The following SERINC5 variants were observed in gnomAD, a reference collection of about 807,000 sequenced individuals.
The protein encoded by SERINC5 is serine incorporator 5, also known as chromosome 5 open reading frame 12.
SERINC5 carries 41 observed loss-of-function variants against 63.1 expected under a neutral mutation model. The ratio of observed to expected loss-of-function variants is 0.65; its 90% CI spans 0.51 to 0.84. The LOEUF is 0.84. Ranked by LOEUF, SERINC5 falls within the 40% of genes least tolerant of loss-of-function variation. SERINC5 has a pLI of 0.00. For missense variants in SERINC5, 523 were observed against 573.0 expected (o/e 0.91, Z 0.89); for synonymous variants, 222 against 215.2 (o/e 1.03, Z -0.28).
At chr5:80,184,000 C>T (rs903507584) in intron 2 of SERINC5, among the ~76,000 whole-genome samples, 3 of 152,114 alleles carry the variant, frequency 2.0e-5, no homozygotes, top group Non-Finnish European at 4.4e-5. Flanking sequence ...GATGAAACAG[C>T]ATGGTTAAAA....
chr5:80,164,910 G>GGTT (rs1747174104), intron 7 of SERINC5, among the ~76,000 whole-genome samples: 2 of 85,192 alleles, frequency 2.3e-5, no homozygotes, highest in African/African-American at 4.9e-5. Context: ...CTTTTTTTCT[G>GGTT]TTTTTTTTTT....
intron 11 of SERINC5, among the ~76,000 whole-genome samples, chr5:80,117,642 G>GGA (rs1554056975): frequency 8.0e-6 from 1 of 124,560 alleles, no homozygotes. Flanking sequence ...TGTGGCTACT[G>GGA]AAAAAAAAAA....
At chr5:80,206,782 C>G (rs1360021309) in intron 1 of SERINC5, among the ~76,000 whole-genome samples, 1 of 150,102 alleles carries the variant, frequency 6.7e-6, no homozygotes, top group African/African-American at 2.4e-5. Flanking sequence ...CCTCCTGAAC[C>G]CTTTCCTAAC....
At chr5:80,229,050 T>G (rs549903240) in intron 1 of SERINC5, among the ~76,000 whole-genome samples, 10,849 of 93,988 alleles carry the variant, frequency 0.12, 1,535 homozygotes, top group Non-Finnish European at 0.17. Context: ...TTTTTTTTTT[T>G]GGGGATGGAG....
chr5:80,241,101 C>T (rs894109796), intron 1 of SERINC5, among the ~76,000 whole-genome samples: 5 of 152,180 alleles, frequency 3.3e-5, no homozygotes, highest in African/African-American at 1.2e-4. Context: ...TGGTTTCCAT[C>T]ACTAATGATA....
chr5:80,191,688 A>G (rs1749201332), intron 2 of SERINC5, among the ~76,000 whole-genome samples: 1 of 150,592 alleles, frequency 6.6e-6, no homozygotes, highest in Admixed American at 6.6e-5. Flanking sequence ...AAAGAAAAAA[A>G]AAAAGACTTT....
intron 9 of SERINC5, among the ~76,000 whole-genome samples, chr5:80,149,237 T>C (rs1451102028): frequency 6.6e-6 from 1 of 152,184 alleles, no homozygotes; most frequent in African/African-American, 2.4e-5. Context: ...ACCATAACCA[T>C]GCAACCTCAG....
chr5:80,198,492 C>G (rs1451764387), intron 2 of SERINC5: 2 of 983,610 alleles, frequency 2.0e-6, no homozygotes, highest in Non-Finnish European at 2.4e-6. Context: ...GCTCCTAACC[C>G]ACATACCAAA....
At chr5:80,161,335 T>G (rs997130033) in intron 7 of SERINC5, among the ~76,000 whole-genome samples, 8 of 152,178 alleles carry the variant, frequency 5.3e-5, no homozygotes, top group African/African-American at 1.9e-4. Context: ...GTGTTTCCGT[T>G]TCTCCACATC....
chr5:80,183,524 C>A lies in SERINC5; in HGVS notation c.196-5460G>T, dbSNP rs184270540. 1.5e-3 allele frequency among the ~76,000 whole-genome samples: 228 copies of A among 152,262 alleles called. 6 individuals are homozygous for A. The South Asian group carries it at 0.046, about 31-fold the overall frequency. Reference sequence around the variant, plus strand: ...GTATCCCCTGTGACTTGCACGTATACGCCCAGATGGCCTGAAGTAACTGAA... The same window carrying A: ...GTATCCCCTGTGACTTGCACGTATAAGCCCAGATGGCCTGAAGTAACTGAA... On this transcript the variant is annotated intron_variant, in intron 2 of 11. Coordinates refer to ENST00000507668, the MANE Select transcript of SERINC5 (RefSeq NM_001174072.3).
At chr5:80,178,568 TGG>T (rs1350551100) in intron 2 of SERINC5, among the ~76,000 whole-genome samples, 1 of 113,804 alleles carries the variant, frequency 8.8e-6, no homozygotes, top group African/African-American at 3.5e-5. Context: ...TTTGTAGAGA[TGG>T]GGTTTTGTCA....
intron 2 of SERINC5, chr5:80,198,468 G>A (rs1749637236): frequency 3.2e-6 from 3 of 940,026 alleles, no homozygotes; most frequent in Non-Finnish European, 3.8e-6. Flanking sequence ...AACTGACAAG[G>A]GAGCTGCCCT....
rs1170824266 is a variant in SERINC5 at position 80,140,011 on chromosome 5, A to C, written c.*3652T>G. 1.0e-6 allele frequency: 1 copy of C among 985,288 alleles called. No individual in the cohort carries two copies. The highest frequency in any genetic ancestry group is 1.2e-6 in the Non-Finnish European group (1 of 829,936). The allele number at this position is 985,288 out of a possible 1,614,324, so 61.0% of individuals were successfully genotyped here. A position where few individuals can be genotyped will look rare whatever the true frequency, so the allele number is the denominator to read the frequency against. ...AGGTGAAGCACCAATGATGGCAAAA[A>C]TTAAATAAATACATCATCTTAAAAA... On this transcript the variant is annotated 3_prime_UTR_variant, in exon 12 of 12. Coordinates refer to ENST00000507668, the MANE Select transcript of SERINC5 (RefSeq NM_001174072.3).
rs1056577607 is a variant in SERINC5, at chr5:80,140,054, G to A, written c.*3609C>T. ...CTTAAAAAGGCAGAGGGTAGGCTGC[G>A]TGCAGTGGTTTACGCCTATAATCCC... is the stretch of plus-strand genomic sequence containing the variant. On this transcript the variant is annotated 3_prime_UTR_variant, in exon 12 of 12. Coordinates refer to ENST00000507668, the MANE Select transcript of SERINC5 (RefSeq NM_001174072.3). 3.6e-5 allele frequency: 35 copies of A among 984,914 alleles called. No homozygotes were observed. Among genetic ancestry groups the A allele is most frequent in the East Asian group, 1.1e-4 (1 of 8,822 alleles). 61.0% of individuals were successfully genotyped at this position (984,914 alleles called of 1,614,324 possible).
At chr5:80,246,307 T>C (rs1752167414) in intron 1 of SERINC5, among the ~76,000 whole-genome samples, 5 of 152,078 alleles carry the variant, frequency 3.3e-5, no homozygotes, top group Admixed American at 3.3e-4. Flanking sequence ...AACAAAAAAA[T>C]GGAAAAGGCA....
intron 1 of SERINC5, among the ~76,000 whole-genome samples, chr5:80,230,053 AC>A (rs1329957088): frequency 2.0e-5 from 3 of 152,154 alleles, no homozygotes; most frequent in Admixed American, 1.3e-4. Flanking sequence ...CTCTCCTCCC[AC>A]TGCTCAGGAA....
intron 7 of SERINC5, among the ~76,000 whole-genome samples, chr5:80,161,597 G>C (rs1580087931): frequency 6.6e-6 from 1 of 152,012 alleles, no homozygotes; most frequent in East Asian, 1.9e-4. Context: ...TGTAAATTCT[G>C]CATATTGCTC....
chr5:80,158,856 G>A lies in SERINC5; in HGVS notation c.966C>T (p.Ile322=), dbSNP rs551207609. Residue 322 remains isoleucine, a synonymous_variant, in exon 8 of 12, where the codon ATC becomes ATT. Transcript: ENST00000507668. ...CTTACCATGAATACAAGATACATCC[G>A]ATTAAGAGGCTGGTCCCCAGTATAG... ...LVTILGTSLL[I]GCILYSCLTS... The A allele has an allele frequency of 8.7e-6, 14 of 1,613,488 alleles. No homozygotes were observed. The highest frequency in any genetic ancestry group is 5.0e-5 in the Admixed American group (3 of 60,014).
intron 11 of SERINC5, among the ~76,000 whole-genome samples, chr5:80,117,478 G>C (rs1227462941): frequency 6.6e-6 from 1 of 151,968 alleles, no homozygotes; most frequent in East Asian, 1.9e-4. Flanking sequence ...CATACTAACT[G>C]ATAATCACAC....
Sources: allele counts gnomAD v4.1 joint callset (sites outside exome capture counted in the v4.1 genomes callset), GRCh38; gene constraint gnomAD v4.1.1; transcripts MANE v1.5; gene names NCBI Gene and HGNC (gene_info 2026-07-23, HGNC 2026-07-21).